ABCB1: variants seen among roughly 807,000 people sequenced by gnomAD.
ABCB1 encodes the protein ATP-dependent translocase ABCB1.
Under a neutral mutation model 142.0 loss-of-function variants are expected in ABCB1, and 69 were observed. The observed-to-expected ratio is 0.49, with a 90% confidence interval of 0.40 to 0.59. ABCB1 has a LOEUF of 0.59. ABCB1 is among the 20% of genes least tolerant of loss of function. The pLI, the probability that ABCB1 is intolerant of heterozygous loss-of-function variation, is 0.00. For missense variants in ABCB1, 1,326 were observed against 1,554.7 expected, an observed-to-expected ratio of 0.85 and a Z score of 2.47; for synonymous variants, 532 against 539.2, an observed-to-expected ratio of 0.99 and a Z score of 0.18.
At chr7:87,568,248 T>TAATAATAATAATAACAATAATAATAAC (rs1554435554) in intron 5 of ABCB1, among the ~76,000 whole-genome samples, 4 of 130,712 alleles carry the variant, frequency 3.1e-5, no homozygotes, top group African/African-American at 1.3e-4. Context: ...ACGACAATAA[T>TAATAATAATAATAACAATAATAATAAC]AATAATAATA....
At chr7:87,691,858 C>T (rs186685213) in intron 1 of ABCB1, among the ~76,000 whole-genome samples, 3 of 152,180 alleles carry the variant, frequency 2.0e-5, no homozygotes, top group East Asian at 1.9e-4. Context: ...CAGAGAAAAC[C>T]GATTGCTGGG....
intron 4 of ABCB1, among the ~76,000 whole-genome samples, chr7:87,575,944 C>T (rs571669004): frequency 6.6e-6 from 1 of 152,258 alleles, no homozygotes; most frequent in African/African-American, 2.4e-5. Context: ...AAGTAGGATT[C>T]CTGGCCCAGG....
chr7:87,518,121 G>T (rs940014546), intron 23 of ABCB1, among the ~76,000 whole-genome samples: 1 of 152,104 alleles, frequency 6.6e-6, no homozygotes, highest in Non-Finnish European at 1.5e-5. Flanking sequence ...GGAATTCATC[G>T]CTTTCTTTCC....
chr7:87,662,881 CAT>C (rs1824857968), intron 1 of ABCB1, among the ~76,000 whole-genome samples: 1 of 152,108 alleles, frequency 6.6e-6, no homozygotes, highest in African/African-American at 2.4e-5. Context: ...AATTCACTAA[CAT>C]GGAATATCTT....
At chr7:87,515,736 G>C (rs1205437255) in intron 24 of ABCB1, among the ~76,000 whole-genome samples, 1 of 151,660 alleles carries the variant, frequency 6.6e-6, no homozygotes. Flanking sequence ...GATTACAGGC[G>C]TGTGCCACCA....
intron 20 of ABCB1, among the ~76,000 whole-genome samples, chr7:87,536,044 T>C (rs1216543220): frequency 1.3e-5 from 2 of 152,228 alleles, no homozygotes; most frequent in Non-Finnish European, 2.9e-5. Context: ...AATGTGCTTT[T>C]CATTTCCTTC....
At chr7:87,522,397 C>T (rs1815556358) in intron 21 of ABCB1, 2 of 690,310 alleles carry the variant, frequency 2.9e-6, no homozygotes, top group South Asian at 2.7e-5. Context: ...GTAGCTACAG[C>T]AGTGGCAGAA....
chr7:87,578,877 T>C (rs1399510371), intron 4 of ABCB1, among the ~76,000 whole-genome samples: 1 of 151,692 alleles, frequency 6.6e-6, no homozygotes, highest in Non-Finnish European at 1.5e-5. Context: ...GTATTTTTAG[T>C]AGAGACAGGG....
intron 1 of ABCB1, among the ~76,000 whole-genome samples, chr7:87,650,035 G>C (rs1461591589): frequency 6.6e-6 from 1 of 152,124 alleles, no homozygotes; most frequent in Non-Finnish European, 1.5e-5. Flanking sequence ...TTTATTAGCA[G>C]TGTGAAAACA....
At chr7:87,593,283 T>C (rs936348831) in intron 3 of ABCB1, among the ~76,000 whole-genome samples, 2 of 152,232 alleles carry the variant, frequency 1.3e-5, no homozygotes, top group Admixed American at 6.5e-5. Context: ...CCCAGCTCTA[T>C]GTGTCACATT....
chr7:87,557,423 C>T (rs992182319), intron 8 of ABCB1, among the ~76,000 whole-genome samples: 1 of 152,202 alleles, frequency 6.6e-6, no homozygotes, highest in Non-Finnish European at 1.5e-5. Flanking sequence ...TTGGGAAGGA[C>T]ATTAGGCCAT....
chr7:87,644,078 C>G (rs1268713262), intron 1 of ABCB1, among the ~76,000 whole-genome samples: 1 of 152,122 alleles, frequency 6.6e-6, no homozygotes, highest in East Asian at 1.9e-4. Context: ...AGGCTGGTCT[C>G]AAACTCCTGA....
chr7:87,572,116 AG>A (rs1426321479), intron 4 of ABCB1, among the ~76,000 whole-genome samples: 2 of 152,350 alleles, frequency 1.3e-5, no homozygotes, highest in African/African-American at 4.8e-5. Context: ...GACATTGAAT[AG>A]TCAGGTGAGG....
intron 1 of ABCB1, among the ~76,000 whole-genome samples, chr7:87,675,653 C>CA (rs200136132): frequency 0.043 from 2,807 of 65,220 alleles, 94 homozygotes; most frequent in African/African-American, 0.11. Flanking sequence ...TATTCACATG[C>CA]AAAAAAAAAA....
At chr7:87,598,172 G>A (rs1482712852) in intron 2 of ABCB1, among the ~76,000 whole-genome samples, 1 of 151,824 alleles carries the variant, frequency 6.6e-6, no homozygotes, top group Non-Finnish European at 1.5e-5. Context: ...CCAATCTTTT[G>A]GACATATTGA....
At chr7:87,504,641 C>T (rs1419694826) in intron 27 of ABCB1, among the ~76,000 whole-genome samples, 192 bp from the exon 28 acceptor site, 3 of 151,834 alleles carry the variant, frequency 2.0e-5, no homozygotes, top group African/African-American at 4.8e-5. Context: ...CCATCTCTAT[C>T]AAAAATACAA....
intron 18 of ABCB1, among the ~76,000 whole-genome samples, chr7:87,540,608 C>T (rs1262504223): frequency 6.6e-6 from 1 of 152,040 alleles, no homozygotes; most frequent in East Asian, 1.9e-4. Flanking sequence ...GATCACCACG[C>T]CCTGTTAATT....
At chr7:87,585,452 C>G in intron 4 of ABCB1, 60 bp downstream of exon 4, 1 of 1,560,618 alleles carries the variant, frequency 6.4e-7, no homozygotes, top group Non-Finnish European at 8.8e-7. Flanking sequence ...ATAAACATCA[C>G]TCTAAGTGCT....
intron 1 of ABCB1, among the ~76,000 whole-genome samples, chr7:87,684,304 G>C (rs1291518807): frequency 1.3e-5 from 2 of 152,066 alleles, no homozygotes; most frequent in African/African-American, 2.4e-5. Flanking sequence ...GTTTTAGAAG[G>C]CTTTTTTTGT....
Sources: allele counts gnomAD v4.1 joint callset (sites outside exome capture counted in the v4.1 genomes callset), GRCh38; gene constraint gnomAD v4.1.1; transcripts MANE v1.5; gene names NCBI Gene and HGNC (gene_info 2026-07-23, HGNC 2026-07-21).